IPO11: variants seen among roughly 807,000 people sequenced by gnomAD.
IPO11 encodes importin-11.
Under a neutral mutation model 143.2 loss-of-function variants are expected in IPO11, and 66 were observed. That is an observed-to-expected ratio of 0.46 (90% CI 0.38 to 0.57). The LOEUF is 0.57. Ranked by LOEUF, IPO11 falls within the 20% of genes least tolerant of loss-of-function variation. IPO11 has a pLI of 0.00. For synonymous variants in IPO11, 385 were observed against 377.8 expected (o/e 1.02, Z -0.22); for missense variants, 1,026 against 1,141.0 (o/e 0.90, Z 1.45).
intron 27 of IPO11, among the ~76,000 whole-genome samples, chr5:62,563,882 T>A (rs1743851187): frequency 6.6e-6 from 1 of 152,128 alleles, no homozygotes; most frequent in Non-Finnish European, 1.5e-5. Flanking sequence ...GGGACTTAAG[T>A]CAACTTACAT....
chr5:62,586,766 AAAATATATATATAT>A (rs1376507773), intron 27 of IPO11, among the ~76,000 whole-genome samples: 5 of 76,202 alleles, frequency 6.6e-5, no homozygotes, highest in Admixed American at 1.5e-4. Context: ...AAAAAAAAAA[AAAATATATATATAT>A]ATATATATAT....
At chr5:62,490,022 G>T in intron 14 of IPO11, 93 bp from the exon 15 acceptor site, 1 of 576,942 alleles carries the variant, frequency 1.7e-6, no homozygotes, top group South Asian at 3.6e-5. Flanking sequence ...TTAGCATATT[G>T]TGTGTTTCCT....
intron 2 of IPO11, among the ~76,000 whole-genome samples, chr5:62,439,487 C>T (rs918100295): frequency 6.6e-6 from 1 of 151,846 alleles, no homozygotes; most frequent in African/African-American, 2.4e-5. Flanking sequence ...TGGGGTTTCA[C>T]CGTGTTAGCC....
intron 7 of IPO11, among the ~76,000 whole-genome samples, chr5:62,471,490 A>T (rs1745771415): frequency 6.6e-6 from 1 of 152,172 alleles, no homozygotes; most frequent in Non-Finnish European, 1.5e-5. Flanking sequence ...AAAAGAAACT[A>T]AAAAATCATT....
intron 29 of IPO11, among the ~76,000 whole-genome samples, chr5:62,607,346 G>A (rs1344641815): frequency 6.6e-6 from 1 of 151,888 alleles, no homozygotes; most frequent in African/African-American, 2.4e-5. Flanking sequence ...ATGTCAACAG[G>A]GCACCCTGTG....
intron 12 of IPO11, among the ~76,000 whole-genome samples, chr5:62,485,687 A>G (rs1261207067): frequency 5.9e-5 from 9 of 151,926 alleles, no homozygotes; most frequent in African/African-American, 2.2e-4. Flanking sequence ...AAAAGTAAAA[A>G]AAGGAAAAAA....
At position 62,485,431 on chromosome 5, in the gene IPO11, CAGG is replaced by C. The variant is rs1561330372; in HGVS notation, c.1193_1195del (p.Gly398del). 6.2e-7 allele frequency: 1 copy of C among 1,609,524 alleles called. No individual in the cohort carries two copies. On this transcript the variant is annotated inframe_deletion, in exon 12 of 30. Coordinates refer to ENST00000325324, the MANE Select transcript of IPO11 (RefSeq NM_016338.5). ...TTTTTAATTGCAGCAGTGGAAGAAACAGGAGGAGATTCTTGGAAATATAGTTTG... is the reference window on the plus strand; with the variant it reads ...TTTTTAATTGCAGCAGTGGAAGAAACAGGAGATTCTTGGAAATATAGTTTG...
intron 1 of IPO11, among the ~76,000 whole-genome samples, chr5:62,430,675 A>C (rs1400268094): frequency 6.6e-6 from 1 of 150,672 alleles, no homozygotes; most frequent in African/African-American, 2.4e-5. Context: ...TAATTTAATT[A>C]CTTAATTTTT....
chr5:62,579,372 A>G (rs1381492451), intron 27 of IPO11: 2 of 1,445,714 alleles, frequency 1.4e-6, no homozygotes, highest in East Asian at 2.5e-5. Flanking sequence ...AGTTTTCGTG[A>G]TTTAAAGCTT....
chr5:62,459,291 A>T (rs566077914), intron 5 of IPO11, among the ~76,000 whole-genome samples: 7 of 152,094 alleles, frequency 4.6e-5, no homozygotes, highest in African/African-American at 1.7e-4. Flanking sequence ...TGAAAATTAG[A>T]TTTTACTTTA....
intron 24 of IPO11, among the ~76,000 whole-genome samples, chr5:62,546,908 C>T (rs1743218928): frequency 6.6e-6 from 1 of 151,936 alleles, no homozygotes; most frequent in African/African-American, 2.4e-5. Flanking sequence ...AAGTAGCTAT[C>T]TAGCAAAAAG....
At chr5:62,433,466 G>T (rs1373466135) in intron 1 of IPO11, among the ~76,000 whole-genome samples, 1 of 152,110 alleles carries the variant, frequency 6.6e-6, no homozygotes, top group Non-Finnish European at 1.5e-5. Context: ...TGGTAGAAAC[G>T]TACTTTTCAC....
At chr5:62,600,397 A>G (rs999822647) in intron 28 of IPO11, among the ~76,000 whole-genome samples, 5 of 152,204 alleles carry the variant, frequency 3.3e-5, no homozygotes, top group African/African-American at 1.2e-4. Flanking sequence ...AGCATTCACT[A>G]TATGAGTAAG....
chr5:62,440,978 A>G (rs577986300), intron 2 of IPO11, among the ~76,000 whole-genome samples: 1 of 151,938 alleles, frequency 6.6e-6, no homozygotes, highest in African/African-American at 2.4e-5. Flanking sequence ...AAAAAAACTT[A>G]CAAATGTTTT....
At chr5:62,506,512 T>A (rs1741560282) in intron 19 of IPO11, among the ~76,000 whole-genome samples, 155 bp downstream of exon 19, 1 of 152,052 alleles carries the variant, frequency 6.6e-6, no homozygotes, top group South Asian at 2.1e-4. Flanking sequence ...TATTCAAAAT[T>A]GACATATTCG....
intron 7 of IPO11, among the ~76,000 whole-genome samples, chr5:62,471,338 A>AT (rs1181148812): frequency 6.6e-6 from 1 of 151,858 alleles, no homozygotes; most frequent in African/African-American, 2.4e-5. Flanking sequence ...AAAAAATAGT[A>AT]TTTTTTGTAT....
rs1227988329 is a variant in IPO11, at chr5:62,601,856, A to C, written c.2763+8A>C. 6.5e-7 allele frequency: 1 copy of C among 1,536,144 alleles called. No homozygotes were observed. The highest frequency in any genetic ancestry group is 2.0e-5 in the Admixed American group (1 of 50,146). ...GATAAGAGGAAAAAGATGGTAAGTT[A>C]TAAAAGTAGCTTGTAAAAATTAAGA... On this transcript the variant is annotated splice_region_variant and intron_variant, in intron 29 of 29. Coordinates refer to ENST00000325324, the MANE Select transcript of IPO11 (RefSeq NM_016338.5).
chr5:62,449,875 T>G lies in IPO11; in HGVS notation c.240-52T>G. The G allele has an allele frequency of 7.7e-6, 9 of 1,162,372 alleles. No homozygotes were observed. In the South Asian group the frequency reaches 1.4e-4, roughly 17 times the overall value. 72.0% of individuals were successfully genotyped at this position (1,162,372 alleles called of 1,614,324 possible). A position where few individuals can be genotyped will look rare whatever the true frequency, so the allele number is the denominator to read the frequency against. ...AATTTACAGTAATGCTTACCTACAT[T>G]TATTATTAGGTGGCATTCTTTTGCA... On this transcript the variant is annotated intron_variant, in intron 3 of 29. Transcript: ENST00000325324.
rs758501230 is a variant in IPO11, at chr5:62,550,441, C to T, written c.2325C>T (p.Phe775=). 2 of 1,611,374 alleles carry T rather than the reference C, an allele frequency of 1.2e-6. No individual in the cohort carries two copies. The highest frequency in any genetic ancestry group is 1.7e-6 in the Non-Finnish European group (2 of 1,178,228). Residue 775 remains phenylalanine (F), a synonymous_variant, in exon 25 of 30, where the codon TTC becomes TTT. Coordinates refer to ENST00000325324, the MANE Select transcript of IPO11 (RefSeq NM_016338.5). ...TTCAACCGATTTTACCCTATGTTTT[C>T]AAGGGTATTATAGAAGGGGAGGTAA... The part of the protein sequence containing the change: ...QMFQPILPYV[F]KGIIEGERYP...
Sources: gnomAD v4.1 joint callset for allele counts (sites outside exome capture counted in the v4.1 genomes callset) on GRCh38, gnomAD v4.1.1 for gene constraint, MANE v1.5 for transcripts, NCBI Gene and HGNC (gene_info 2026-07-23, HGNC 2026-07-21) for gene names.